The following CPNE4 variants were observed in gnomAD, a reference collection of about 807,000 sequenced individuals.
CPNE4 encodes copine 4.
A neutral mutation model predicts 67.9 loss-of-function variants in CPNE4; 25 were observed. The ratio of observed to expected loss-of-function variants is 0.37; its 90% CI spans 0.27 to 0.51. The LOEUF (loss-of-function observed/expected upper bound fraction) is 0.51, where lower values mean the gene tolerates loss of function less well. CPNE4 is among the 20% of genes least tolerant of loss of function. CPNE4 has a pLI of 0.93. For synonymous variants in CPNE4, 242 were observed against 244.9 expected (o/e 0.99, Z 0.11); for missense variants, 464 against 690.8 (o/e 0.67, Z 3.68).
intron 2 of CPNE4, among the ~76,000 whole-genome samples, chr3:131,853,683 C>A (rs1003929930): frequency 6.6e-6 from 1 of 151,666 alleles, no homozygotes; most frequent in African/African-American, 2.4e-5. Context: ...ATAGGAAGAA[C>A]TACAAATCAA....
chr3:131,682,029 C>T (rs1274137516), intron 6 of CPNE4, among the ~76,000 whole-genome samples: 1 of 151,824 alleles, frequency 6.6e-6, no homozygotes, highest in Non-Finnish European at 1.5e-5. Flanking sequence ...TTCTGAATTC[C>T]TTCTCTGTGT....
chr3:131,773,421 C>T (rs888218886), intron 2 of CPNE4, among the ~76,000 whole-genome samples: 2 of 151,942 alleles, frequency 1.3e-5, no homozygotes, highest in Admixed American at 6.6e-5. Flanking sequence ...GATCTCAGCT[C>T]ACTTCACACT....
Position 131,991,915 on chromosome 3 carries a change from C to T in CPNE4, c.-2+42652G>A, listed in dbSNP as rs996931652. 3.7e-5 allele frequency among the ~76,000 whole-genome samples: 5 copies of T among 136,086 alleles called. 1 individual carries two copies. Among genetic ancestry groups the T allele is most frequent in the African/African-American group, 1.2e-4 (5 of 40,636 alleles). 89.3% of individuals were successfully genotyped at this position (136,086 alleles called of 152,430 possible). Reference sequence around the variant, plus strand: ...GCTGTGGCTTCAGAGGGTGAAAGTGCCAAGACTTCACAGCTTCCATGTGGT... The same window carrying T: ...GCTGTGGCTTCAGAGGGTGAAAGTGTCAAGACTTCACAGCTTCCATGTGGT... On this transcript the variant is annotated intron_variant, in intron 1 of 15. Transcript: ENST00000429747.
In CPNE4 at chr3:131,743,574, A is replaced by G. The variant is rs939004089; in HGVS notation, c.181-19949T>C. ...ACACAAAAATACACTATGATCAAATAGTTTATTCCAGTGATGCAAAGAGAG... is the reference window on the plus strand; with the variant it reads ...ACACAAAAATACACTATGATCAAATGGTTTATTCCAGTGATGCAAAGAGAG... On this transcript the variant is annotated intron_variant, in intron 2 of 15. Coordinates refer to ENST00000429747, the MANE Select transcript of CPNE4 (RefSeq NM_130808.3). Among the ~76,000 whole-genome samples, 9 of 152,232 alleles carry G rather than the reference A, an allele frequency of 5.9e-5. No individual in the cohort carries two copies. The South Asian group carries it at 1.0e-3, about 17-fold the overall frequency.
intron 2 of CPNE4, among the ~76,000 whole-genome samples, chr3:131,854,631 T>A (rs991675788): frequency 4.6e-5 from 7 of 151,930 alleles, no homozygotes; most frequent in African/African-American, 1.7e-4. Flanking sequence ...TTCACTGTCA[T>A]CCATGTAAGG....
At chr3:131,743,012 T>A (rs1469686155) in intron 2 of CPNE4, among the ~76,000 whole-genome samples, 2 of 152,062 alleles carry the variant, frequency 1.3e-5, no homozygotes, top group Non-Finnish European at 2.9e-5. Flanking sequence ...AAGGTGTACA[T>A]CAACAAAATC....
At chr3:131,961,334 C>A (rs1034527938) in intron 1 of CPNE4, among the ~76,000 whole-genome samples, 4 of 152,052 alleles carry the variant, frequency 2.6e-5, no homozygotes, top group Non-Finnish European at 4.4e-5. Context: ...TGACCCTAGG[C>A]AGGTAAGGAA....
In CPNE4 at chr3:131,535,190, G is replaced by A; in HGVS notation, c.*5C>T. On this transcript the variant is annotated 3_prime_UTR_variant, in exon 16 of 16. Coordinates refer to ENST00000429747, the MANE Select transcript of CPNE4 (RefSeq NM_130808.3). The stretch of plus-strand genomic sequence containing the variant: ...TTCAGAACTCTGTAAAACTGTGTGG[G>A]GAGTTCATGGTGCTAGTGTTCTGGA... 1 of 1,605,690 alleles carries A rather than the reference G, an allele frequency of 6.2e-7. No homozygotes were observed. Among genetic ancestry groups the A allele is most frequent in the Non-Finnish European group, 8.5e-7 (1 of 1,176,672 alleles).
rs765914078 is a variant in CPNE4, at chr3:131,696,580, C to A, written c.469G>T (p.Val157Phe). The change falls in exon 5 of 16, where the codon GTT becomes TTT. Residue 157 changes from valine (V) to phenylalanine (F), a missense_variant. Around this residue, in one of 6 missense-constraint regions of CPNE4, gnomAD observed 170 missense variants for 203.3 expected, o/e 0.84. Transcript: ENST00000429747. ...TTCCGTGCATTGAATGCAAGCTCAA[C>A]ATAGTCGTCATTGCCAGATAATTCT... Reference protein sequence around the residue: ...AEELSGNDDYVELAFNARKLD... With the variant: ...AEELSGNDDYFELAFNARKLD... 1 of 1,614,034 alleles carries A rather than the reference C, an allele frequency of 6.2e-7. No homozygotes were observed. The highest frequency in any genetic ancestry group is 1.7e-5 in the Admixed American group (1 of 60,008).
At chr3:131,620,451 G>A (rs781517111) in intron 7 of CPNE4, 4 of 985,268 alleles carry the variant, frequency 4.1e-6, no homozygotes, top group African/African-American at 1.7e-5. Flanking sequence ...TACTCACCAT[G>A]TTCAGCATAG....
chr3:131,691,847 A>G lies in CPNE4; in HGVS notation c.507+4695T>C, dbSNP rs556868857. Among the ~76,000 whole-genome samples, 9 of 152,312 alleles carry G rather than the reference A, an allele frequency of 5.9e-5. No homozygotes were observed. The South Asian group carries it at 1.9e-3, about 32-fold the overall frequency. ...GATTCATGGAAATGAAATAATTCAT[A>G]AGCACCTCAAAATCTCAAGTGTACG... On this transcript the variant is annotated intron_variant, in intron 5 of 15. Transcript: ENST00000429747.
upstream of CPNE4, among the ~76,000 whole-genome samples, chr3:132,038,588 C>T (rs2074371975): frequency 6.6e-6 from 1 of 152,162 alleles, no homozygotes; most frequent in Non-Finnish European, 1.5e-5. Flanking sequence ...TCCTATTGCT[C>T]TATTAATGAG....
intron 7 of CPNE4, among the ~76,000 whole-genome samples, chr3:131,656,148 TC>T (rs149179447): frequency 0.013 from 2,017 of 151,888 alleles, 49 homozygotes; most frequent in African/African-American, 0.046. Flanking sequence ...ACTCTTCCCT[TC>T]CCTTCCTTTC....
chr3:131,537,882 G>A (rs930046628), intron 15 of CPNE4, among the ~76,000 whole-genome samples: 2 of 152,172 alleles, frequency 1.3e-5, no homozygotes, highest in Admixed American at 1.3e-4. Context: ...CGTTCTATTT[G>A]TATAATCCAG....
At chr3:131,576,251 C>G (rs761260578) in intron 9 of CPNE4, among the ~76,000 whole-genome samples, 9 of 152,250 alleles carry the variant, frequency 5.9e-5, no homozygotes, top group Middle Eastern at 3.4e-3. Context: ...CACTTGGCCT[C>G]TAAATAGTGC....
chr3:131,734,712 T>C (rs6785191), intron 2 of CPNE4, among the ~76,000 whole-genome samples: 32,434 of 151,970 alleles, frequency 0.21, 4,290 homozygotes, highest in Non-Finnish European at 0.28. Context: ...TAGCGAGACC[T>C]TGTCTCTACT....
intron 5 of CPNE4, among the ~76,000 whole-genome samples, chr3:131,688,357 G>A (rs1429912029): frequency 6.6e-6 from 1 of 152,072 alleles, no homozygotes; most frequent in African/African-American, 2.4e-5. Flanking sequence ...TCATAATCTT[G>A]CCCTTCAAAC....
At chr3:131,726,849 C>T (rs919028410) in intron 2 of CPNE4, among the ~76,000 whole-genome samples, 2 of 152,118 alleles carry the variant, frequency 1.3e-5, no homozygotes, top group African/African-American at 4.8e-5. Context: ...GGTGTGGGAA[C>T]ATCAGTCCTA....
chr3:131,828,844 C>A (rs983654772), intron 2 of CPNE4, among the ~76,000 whole-genome samples: 2 of 152,030 alleles, frequency 1.3e-5, no homozygotes, highest in Admixed American at 1.3e-4. Context: ...AAAAACAAAA[C>A]AAAACAAAAA....
Sources: allele counts gnomAD v4.1 joint callset (sites outside exome capture counted in the v4.1 genomes callset), GRCh38; gene constraint gnomAD v4.1.1; regional missense constraint gnomAD v4.1.1; transcripts MANE v1.5; gene names NCBI Gene and HGNC (gene_info 2026-07-23, HGNC 2026-07-21).